The following DLG2 variants were observed in gnomAD, a reference collection of about 807,000 sequenced individuals.
DLG2 encodes disks large homolog 2.
Under a neutral mutation model 132.5 loss-of-function variants are expected in DLG2, and 45 were observed. That is an observed-to-expected ratio of 0.34 (90% CI 0.27 to 0.44). The LOEUF (loss-of-function observed/expected upper bound fraction) is 0.44. Among genes scored for constraint, DLG2 ranks in the 20% least tolerant of loss-of-function variants. The pLI is 1.00. For synonymous variants in DLG2, 424 were observed against 419.6 expected (o/e 1.01, Z -0.13); for missense variants, 1,045 against 1,196.9 (o/e 0.87, Z 1.87).
intron 11 of DLG2, among the ~76,000 whole-genome samples, chr11:84,056,476 A>C (rs1594250764): frequency 6.6e-6 from 1 of 152,220 alleles, no homozygotes; most frequent in Middle Eastern, 3.4e-3. Flanking sequence ...CTGTTGCATT[A>C]AAGGTAGTTG....
intron 6 of DLG2, among the ~76,000 whole-genome samples, chr11:84,873,693 G>C (rs2085861029): frequency 6.6e-6 from 1 of 152,196 alleles, no homozygotes; most frequent in South Asian, 2.1e-4. Flanking sequence ...CAAAGCTACA[G>C]CATCCCTGCT....
chr11:85,435,234 C>T (rs2091413164), intron 3 of DLG2, among the ~76,000 whole-genome samples: 1 of 152,154 alleles, frequency 6.6e-6, no homozygotes, highest in Non-Finnish European at 1.5e-5. Context: ...AAGCTGGAAG[C>T]ATTCCCTTTG....
intron 6 of DLG2, among the ~76,000 whole-genome samples, chr11:84,945,713 C>T (rs2050110295): frequency 6.6e-6 from 1 of 152,166 alleles, no homozygotes; most frequent in Non-Finnish European, 1.5e-5. Flanking sequence ...AGCTATGCTG[C>T]CTGTGGTTGA....
rs556630854 is a variant in DLG2 at position 85,347,945 on chromosome 11, A to G, written c.41-62580T>C. ...CAGCCTCCCAAGTAGTTGGGACTAC[A>G]GACTCATGCCACCACACTTAACTTT... On this transcript the variant is annotated intron_variant, in intron 3 of 27. Coordinates refer to ENST00000376104, the MANE Select transcript of DLG2 (RefSeq NM_001142699.3). Among the ~76,000 whole-genome samples the G allele has an allele frequency of 4.4e-4, 62 of 139,880 alleles. 2 individuals are homozygous for G. The highest frequency in any genetic ancestry group is 1.6e-3 in the African/African-American group (58 of 36,600). The allele number at this position is 139,880 out of a possible 152,430, so 91.8% of individuals were successfully genotyped here.
intron 8 of DLG2, among the ~76,000 whole-genome samples, chr11:84,217,734 G>T (rs2096855261): frequency 6.6e-6 from 1 of 152,196 alleles, no homozygotes; most frequent in African/African-American, 2.4e-5. Context: ...AAGTGCTAAT[G>T]TTCATTGTGA....
chr11:84,764,317 G>C (rs1326136167), intron 6 of DLG2, among the ~76,000 whole-genome samples: 1 of 152,064 alleles, frequency 6.6e-6, no homozygotes, highest in Non-Finnish European at 1.5e-5. Flanking sequence ...GACTCTACTT[G>C]TCAAATAAGT....
intron 6 of DLG2, among the ~76,000 whole-genome samples, chr11:84,833,658 G>A (rs758861521): frequency 6.6e-6 from 1 of 151,080 alleles, no homozygotes; most frequent in Non-Finnish European, 1.5e-5. Context: ...TGGCAGTTGT[G>A]GGGGGGTGGG....
At chr11:83,828,306 T>C (rs2053468715) in intron 17 of DLG2, among the ~76,000 whole-genome samples, 1 of 152,092 alleles carries the variant, frequency 6.6e-6, no homozygotes, top group South Asian at 2.1e-4. Flanking sequence ...AGCAGGAGAA[T>C]CACTTGAACC....
At chr11:85,309,072 T>C (rs1596126252) in intron 3 of DLG2, among the ~76,000 whole-genome samples, 1 of 152,224 alleles carries the variant, frequency 6.6e-6, no homozygotes, top group African/African-American at 2.4e-5. Context: ...GCCCAGGTCT[T>C]AGGAGGTTGT....
intron 6 of DLG2, among the ~76,000 whole-genome samples, chr11:85,026,490 T>C (rs1009627276): frequency 6.6e-6 from 1 of 152,024 alleles, no homozygotes; most frequent in Non-Finnish European, 1.5e-5. Flanking sequence ...GGAATATATA[T>C]TGTTAAAGCT....
At chr11:83,902,618 A>G (rs1285775291) in intron 15 of DLG2, among the ~76,000 whole-genome samples, 1 of 152,208 alleles carries the variant, frequency 6.6e-6, no homozygotes, top group Non-Finnish European at 1.5e-5. Context: ...AAACATGTGC[A>G]ACCTCCTCAT....
chr11:84,268,673 C>T (rs551579344), intron 7 of DLG2, among the ~76,000 whole-genome samples: 213 of 151,760 alleles, frequency 1.4e-3, no homozygotes, highest in Admixed American at 3.0e-3. Context: ...GAGTTAGCCA[C>T]GATGGTCTTG....
chr11:83,690,668 T>G (rs2080822656), intron 18 of DLG2, among the ~76,000 whole-genome samples: 1 of 117,080 alleles, frequency 8.5e-6, no homozygotes, highest in South Asian at 3.4e-4. Flanking sequence ...AACATTTCGG[T>G]CCATGCTGTG....
rs181365904 is a variant in DLG2, at chr11:84,456,584, C to G, written c.519+77986G>C. On this transcript the variant is annotated intron_variant, in intron 7 of 27. Transcript: ENST00000376104. ...ATACATTATCTTCTCAGGTCTCATTCTTTGCTCTAACCTATTCCTGAAATT... is the reference window on the plus strand; with the variant it reads ...ATACATTATCTTCTCAGGTCTCATTGTTTGCTCTAACCTATTCCTGAAATT... Among the ~76,000 whole-genome samples the G allele has an allele frequency of 3.6e-3, 552 of 151,392 alleles. 1 individual carries two copies. The highest frequency in any genetic ancestry group is 8.5e-3 in the South Asian group (41 of 4,828).
At chr11:85,386,188 T>G (rs1272204478) in intron 3 of DLG2, among the ~76,000 whole-genome samples, 2 of 152,212 alleles carry the variant, frequency 1.3e-5, no homozygotes, top group African/African-American at 4.8e-5. Context: ...ACATTCTAGC[T>G]GTGTGATTTC....
At chr11:83,683,792 C>T (rs897852249) in intron 18 of DLG2, among the ~76,000 whole-genome samples, 1 of 151,982 alleles carries the variant, frequency 6.6e-6, no homozygotes, top group Non-Finnish European at 1.5e-5. Flanking sequence ...TTTTACTGTG[C>T]TAAGGAGTCT....
At position 85,114,248 on chromosome 11, in the gene DLG2, A is replaced by G. The variant is rs189470887; in HGVS notation, c.283-2513T>C. Among the ~76,000 whole-genome samples, 18 of 152,070 alleles carry G rather than the reference A, an allele frequency of 1.2e-4. No individual in the cohort carries two copies. The East Asian group carries it at 3.3e-3, about 28-fold the overall frequency. On this transcript the variant is annotated intron_variant, in intron 5 of 27. Coordinates refer to ENST00000376104, the MANE Select transcript of DLG2 (RefSeq NM_001142699.3). Reference sequence around the variant, plus strand: ...AGAGTTTGGGCCTACCTCCTACTCAAAAGAGTAGGAGGTCAGCTCCTTAGA... The same window carrying G: ...AGAGTTTGGGCCTACCTCCTACTCAGAAGAGTAGGAGGTCAGCTCCTTAGA...
chr11:83,623,626 G>C (rs1302645049), intron 19 of DLG2, among the ~76,000 whole-genome samples: 1 of 152,180 alleles, frequency 6.6e-6, no homozygotes, highest in African/African-American at 2.4e-5. Context: ...AGCAATCATT[G>C]GTGGCTCTCT....
chr11:83,619,947 G>C (rs571187816), intron 19 of DLG2, among the ~76,000 whole-genome samples: 1 of 152,254 alleles, frequency 6.6e-6, no homozygotes, highest in Non-Finnish European at 1.5e-5. Context: ...TCTACAGTAA[G>C]AGCTACAAAG....
Sources: allele counts gnomAD v4.1 joint callset (sites outside exome capture counted in the v4.1 genomes callset), GRCh38; gene constraint gnomAD v4.1.1; transcripts MANE v1.5; gene names NCBI Gene and HGNC (gene_info 2026-07-23, HGNC 2026-07-21).